The following BFAR variants were observed in gnomAD, a reference collection of about 807,000 sequenced individuals.
BFAR encodes the protein RING finger protein 47.
BFAR carries 52 observed loss-of-function variants against 54.4 expected under a neutral mutation model. The ratio of observed to expected loss-of-function variants is 0.96; its 90% CI spans 0.77 to 1.21. The LOEUF is 1.21. Among genes scored for constraint, BFAR ranks in the 50% most tolerant of loss-of-function variants. The pLI is 0.00. For synonymous variants in BFAR, 215 were observed against 204.3 expected, an observed-to-expected ratio of 1.05 and a Z score of -0.45; for missense variants, 571 against 534.0, an observed-to-expected ratio of 1.07 and a Z score of -0.68.
At chr16:14,634,722 T>G (rs1485633431) in intron 1 of BFAR, among the ~76,000 whole-genome samples, 1 of 152,174 alleles carries the variant, frequency 6.6e-6, no homozygotes, top group Non-Finnish European at 1.5e-5. Flanking sequence ...ATGATTATCC[T>G]AGACGGATCA....
At chr16:14,656,269 A>G (rs889758297) in intron 5 of BFAR, among the ~76,000 whole-genome samples, 3 of 151,652 alleles carry the variant, frequency 2.0e-5, no homozygotes, top group Non-Finnish European at 4.4e-5. Flanking sequence ...GTTCACAACT[A>G]TAATGCTAGT....
At position 14,661,392 on chromosome 16, in the gene BFAR, C is replaced by CTTTTTTTTTTTTT. The variant is rs774393097; in HGVS notation, c.784-485_784-473dup. Among the ~76,000 whole-genome samples the CTTTTTTTTTTTTT allele has an allele frequency of 2.2e-4, 14 of 65,100 alleles. 1 individual carries two copies. The highest frequency in any genetic ancestry group is 1.4e-3 in the South Asian group (2 of 1,426). The allele number at this position is 65,100 out of a possible 152,430, so 42.7% of individuals were successfully genotyped here. ...CCCCAGCTAGAGCTAGAGATTGGAT[C>CTTTTTTTTTTTTT]TTTTTTTTTTTTTTTTTTTTTTTTT... On this transcript the variant is annotated intron_variant, in intron 5 of 7. Transcript: ENST00000261658.
chr16:14,658,080 A>G (rs1051246219), intron 5 of BFAR, among the ~76,000 whole-genome samples: 1 of 152,160 alleles, frequency 6.6e-6, no homozygotes, highest in Admixed American at 6.6e-5. Flanking sequence ...ACACAGACAC[A>G]CAAGAGTTGA....
At chr16:14,656,234 G>GT (rs1186622378) in intron 5 of BFAR, among the ~76,000 whole-genome samples, 1 of 152,000 alleles carries the variant, frequency 6.6e-6, no homozygotes, top group Non-Finnish European at 1.5e-5. Context: ...AACAAAAAGA[G>GT]TAACGCTGTG....
rs530895826 is a variant in BFAR at position 14,648,327 on chromosome 16, G to A, written c.264-61G>A. The A allele has an allele frequency of 5.1e-4, 687 of 1,346,268 alleles. 7 individuals carry two copies. In the South Asian group the frequency reaches 5.9e-3, roughly 12 times the overall value. The allele number at this position is 1,346,268 out of a possible 1,614,324, so 83.4% of individuals were successfully genotyped here. A position where few individuals can be genotyped will look rare whatever the true frequency, so the allele number is the denominator to read the frequency against. ...GATGTTGACTATCAGGGCTTTTTTGGCCTCTAAACATGATATTTAGTCAAA... is the reference window on the plus strand; with the variant it reads ...GATGTTGACTATCAGGGCTTTTTTGACCTCTAAACATGATATTTAGTCAAA... On this transcript the variant is annotated intron_variant, in intron 2 of 7. Transcript: ENST00000261658.
intron 1 of BFAR, among the ~76,000 whole-genome samples, chr16:14,639,499 A>C (rs563231302): frequency 6.6e-6 from 1 of 151,988 alleles, no homozygotes; most frequent in South Asian, 2.1e-4. Context: ...GTAGAGATGG[A>C]GTTTCACCAC....
intron 1 of BFAR, among the ~76,000 whole-genome samples, chr16:14,635,313 C>A (rs1312608277): frequency 6.6e-6 from 1 of 152,044 alleles, no homozygotes; most frequent in Non-Finnish European, 1.5e-5. Flanking sequence ...CCAGCCTGGG[C>A]GACAGAGTGA....
At chr16:14,642,362 A>C (rs1301579874) in intron 1 of BFAR, among the ~76,000 whole-genome samples, 4 of 152,148 alleles carry the variant, frequency 2.6e-5, no homozygotes, top group African/African-American at 9.7e-5. Flanking sequence ...TTGATCAGAG[A>C]GCTTGAGTAA....
At chr16:14,662,793 C>G (rs780434551) in intron 6 of BFAR, among the ~76,000 whole-genome samples, 30 of 152,284 alleles carry the variant, frequency 2.0e-4, no homozygotes, top group Non-Finnish European at 3.8e-4. Flanking sequence ...GACAAAACCC[C>G]TCAGACACCG....
At chr16:14,655,352 T>G in intron 5 of BFAR, 142 bp downstream of exon 5, 2 of 781,464 alleles carry the variant, frequency 2.6e-6, no homozygotes, top group Non-Finnish European at 3.4e-6. Context: ...GACAGAGTCC[T>G]TCTCTGTCGC....
intron 6 of BFAR, among the ~76,000 whole-genome samples, chr16:14,662,559 T>TC (rs1960319971): frequency 6.6e-6 from 1 of 152,032 alleles, no homozygotes; most frequent in Non-Finnish European, 1.5e-5. Flanking sequence ...TCATTCTTTC[T>TC]CCCAGGCTGG....
chr16:14,653,999 C>T (rs376630346), intron 4 of BFAR, among the ~76,000 whole-genome samples: 1 of 146,718 alleles, frequency 6.8e-6, no homozygotes, highest in Non-Finnish European at 1.5e-5. Flanking sequence ...CTGTGCCCAT[C>T]TAAGAACTTT....
At chr16:14,658,129 A>G (rs1960180295) in intron 5 of BFAR, among the ~76,000 whole-genome samples, 1 of 152,202 alleles carries the variant, frequency 6.6e-6, no homozygotes, top group East Asian at 1.9e-4. Flanking sequence ...AAAGGAAAAC[A>G]GCTCTGTCTC....
At chr16:14,644,661 T>C in intron 2 of BFAR, 52 bp downstream of exon 2, 1 of 1,519,160 alleles carries the variant, frequency 6.6e-7, no homozygotes, top group East Asian at 2.3e-5. Flanking sequence ...ATGTGGTTTC[T>C]CTCTTGCTTT....
In BFAR at chr16:14,655,720, G is replaced by A. The variant is rs551838588; in HGVS notation, c.783+510G>A. On this transcript the variant is annotated intron_variant, in intron 5 of 7. Transcript: ENST00000261658. ...CTCCCAAAGTGCTGGGATTACAGGC[G>A]TCAGCCACCGCGCCTGGCCTGTTTT... Among the ~76,000 whole-genome samples the A allele has an allele frequency of 2.6e-3, 399 of 152,160 alleles. 2 individuals carry two copies. Among genetic ancestry groups the A allele is most frequent in the African/African-American group, 9.3e-3 (386 of 41,498 alleles).
chr16:14,645,305 G>C (rs1015384991), intron 2 of BFAR, among the ~76,000 whole-genome samples: 4 of 151,602 alleles, frequency 2.6e-5, no homozygotes, highest in African/African-American at 9.7e-5. Context: ...GCAAGACCCT[G>C]TCTCAAAAAA....
At chr16:14,666,161 A>G (rs1406711330) in intron 7 of BFAR, among the ~76,000 whole-genome samples, 1 of 152,186 alleles carries the variant, frequency 6.6e-6, no homozygotes, top group African/African-American at 2.4e-5. Flanking sequence ...CAGGGCTCAC[A>G]TGCCTTTGTT....
At chr16:14,657,408 C>T (rs1445410840) in intron 5 of BFAR, among the ~76,000 whole-genome samples, 1 of 151,808 alleles carries the variant, frequency 6.6e-6, no homozygotes, top group African/African-American at 2.4e-5. Flanking sequence ...ACCACCGTGC[C>T]CGGCTAATTT....
At chr16:14,641,025 A>C (rs745415142) in intron 1 of BFAR, among the ~76,000 whole-genome samples, 26 of 152,234 alleles carry the variant, frequency 1.7e-4, no homozygotes, top group Non-Finnish European at 3.1e-4. Context: ...TAAGGTGTTC[A>C]GTCTATGGTT....
Sources: gnomAD v4.1 joint callset for allele counts (sites outside exome capture counted in the v4.1 genomes callset) on GRCh38, gnomAD v4.1.1 for gene constraint, MANE v1.5 for transcripts, NCBI Gene and HGNC (gene_info 2026-07-23, HGNC 2026-07-21) for gene names.